The following DISP2 variants were observed in gnomAD, a reference collection of about 807,000 sequenced individuals.
DISP2 encodes the protein protein dispatched homolog 2.
In DISP2, 59 loss-of-function variants were observed where a neutral mutation model predicts 95.5. The ratio of observed to expected loss-of-function variants is 0.62; its 90% CI spans 0.50 to 0.77. The LOEUF is 0.77. DISP2 is among the 30% of genes least tolerant of loss of function. The pLI is 0.00. For missense variants in DISP2, 1,752 were observed against 1,854.6 expected, an observed-to-expected ratio of 0.94 and a Z score of 1.02; for synonymous variants, 827 against 815.0, an observed-to-expected ratio of 1.01 and a Z score of -0.25.
chr15:40,367,422 T>A lies in DISP2; in HGVS notation c.1310T>A (p.Leu437Gln). 6.2e-7 allele frequency: 1 copy of A among 1,613,584 alleles called. No individual in the cohort carries two copies. The highest frequency in any genetic ancestry group is 8.5e-7 in the Non-Finnish European group (1 of 1,179,946). ...CAGGTGCCTTCCCTCAAGTACAGCC[T>A]GCTCTTCCTGCCCACCCCAAAGGGT... ...DYQVPSLKYSLLFLPTPKGAS... is the reference protein window; with the variant it reads ...DYQVPSLKYSQLFLPTPKGAS... The change falls in exon 8 of 8, where the codon CTG (leucine) becomes CAG (glutamine). Residue 437 changes from leucine (L) to glutamine (Q), a missense_variant. Transcript: ENST00000267889.
chr15:40,358,264 C>CCAA lies in DISP2; in HGVS notation c.-57_-56insAAC. The CCAA allele has an allele frequency of 8.4e-7, 1 of 1,186,346 alleles. No individual in the cohort carries two copies. The highest frequency in any genetic ancestry group is 1.0e-6 in the Non-Finnish European group (1 of 960,676). The allele number at this position is 1,186,346 out of a possible 1,614,324, so 73.5% of individuals were successfully genotyped here. On this transcript the variant is annotated 5_prime_UTR_variant, in exon 1 of 8. Coordinates refer to ENST00000267889, the MANE Select transcript of DISP2 (RefSeq NM_033510.3). Reference sequence around the variant, plus strand: ...GCCGCTGCCGCCGCCACCGCCGCCGCCGCCGCCGCCGCCGCGGCTTCAGCA... The same window carrying CCAA: ...GCCGCTGCCGCCGCCACCGCCGCCGCCAACGCCGCCGCCGCCGCGGCTTCAGCA...
rs969713303 is a variant in DISP2 at position 40,370,943 on chromosome 15, A to G, written c.*625A>G. 19 of 264,110 alleles carry G rather than the reference A, an allele frequency of 7.2e-5. No individual in the cohort carries two copies. The highest frequency in any genetic ancestry group is 1.5e-5 in the Non-Finnish European group (2 of 129,212). The allele number at this position is 264,110 out of a possible 1,614,324, so 16.4% of individuals were successfully genotyped here. ...ATGGCTGCTGGGTGTGCAGCAGGAG[A>G]AGGAGGATGGTCAGCCTTGGAGCAT... On this transcript the variant is annotated 3_prime_UTR_variant, in exon 8 of 8. Transcript: ENST00000267889.
chr15:40,364,949 A>C lies in DISP2; in HGVS notation c.715A>C (p.Asn239His). Residue 239 changes from asparagine (N) to histidine (H), a missense_variant, in exon 5 of 8, where the codon AAC (asparagine) becomes CAC (histidine). Coordinates refer to ENST00000267889, the MANE Select transcript of DISP2 (RefSeq NM_033510.3). ...LLFLSPDLEL[N>H]SSSSHNTLRP... ...TTTCCTTTCCCCAGACCTTGAGCTG[A>C]ACAGGTAACAGGCTCTCATCTTTTC... The C allele has an allele frequency of 6.2e-7, 1 of 1,614,006 alleles. No homozygotes were observed. Among genetic ancestry groups the C allele is most frequent in the South Asian group, 1.1e-5 (1 of 91,072 alleles).
At chr15:40,362,885 C>T (rs1287760279) in intron 1 of DISP2, among the ~76,000 whole-genome samples, 1 of 152,210 alleles carries the variant, frequency 6.6e-6, no homozygotes, top group Non-Finnish European at 1.5e-5. Context: ...ACGACTGCAG[C>T]AGAAAGAGCA....
At position 40,373,593 on chromosome 15, in the gene DISP2, AC is replaced by A. The variant is rs1319565263; in HGVS notation, c.*3278del. ...GTGGGGGATGCCTGTAGTCCTAGCT[AC>A]CCAGGAGGCTGAGGCAGGAAAATCA... On this transcript the variant is annotated 3_prime_UTR_variant, in exon 8 of 8. Transcript: ENST00000267889. 23 of 152,088 alleles carry A rather than the reference AC, an allele frequency of 1.5e-4. No individual in the cohort carries two copies. The highest frequency in any genetic ancestry group is 2.4e-4 in the Non-Finnish European group (16 of 68,054). The allele number at this position is 152,088 out of a possible 1,614,324, so 9.4% of individuals were successfully genotyped here.
At chr15:40,365,378 G>A in intron 6 of DISP2, 104 bp downstream of exon 6, 2 of 1,508,624 alleles carry the variant, frequency 1.3e-6, no homozygotes, top group Non-Finnish European at 1.8e-6. Context: ...AAGGGAAGGT[G>A]GCCAGCTGGC....
At chr15:40,364,166 C>T (rs1889455317) in intron 2 of DISP2, 60 bp from the exon 3 acceptor site, 1 of 1,612,064 alleles carries the variant, frequency 6.2e-7, no homozygotes, top group African/African-American at 1.3e-5. Context: ...CCTCCACCCC[C>T]AACACACGCC....
chr15:40,362,021 G>C (rs759505569), intron 1 of DISP2, among the ~76,000 whole-genome samples: 1 of 152,198 alleles, frequency 6.6e-6, no homozygotes, highest in Non-Finnish European at 1.5e-5. Flanking sequence ...CCTGCCACTG[G>C]GGTTGAGACT....
chr15:40,358,468 ATCACAGACCC>A, intron 1 of DISP2, 28 bp downstream of exon 1: 1 of 1,251,380 alleles, frequency 8.0e-7, no homozygotes, highest in South Asian at 3.0e-5. Context: ...GCAGATCCGT[ATCACAGACCC>A]TCCCAGACCC....
chr15:40,363,521 G>T, intron 1 of DISP2, 104 bp from the exon 2 acceptor site: 6 of 848,508 alleles, frequency 7.1e-6, no homozygotes, highest in Non-Finnish European at 1.1e-5. Context: ...TCAACCCTGA[G>T]TCCCTGTCCC....
chr15:40,363,984 G>A lies in DISP2; in HGVS notation c.449+30G>A, dbSNP rs529851949. 15 of 1,514,558 alleles carry A rather than the reference G, an allele frequency of 9.9e-6. No homozygotes were observed. In the East Asian group the frequency reaches 3.4e-4, roughly 34 times the overall value. The allele number at this position is 1,514,558 out of a possible 1,614,324, so 93.8% of individuals were successfully genotyped here. On this transcript the variant is annotated intron_variant, in intron 2 of 7. Coordinates refer to ENST00000267889, the MANE Select transcript of DISP2 (RefSeq NM_033510.3). The stretch of plus-strand genomic sequence containing the variant: ...GGAGGGGTCCAGCAGCCTGCCAGCT[G>A]CCACTGGAAAATGCGGTGGGGCTTA...
chr15:40,365,847 C>A, intron 7 of DISP2, 122 bp downstream of exon 7: 1 of 973,898 alleles, frequency 1.0e-6, no homozygotes, highest in Non-Finnish European at 1.6e-6. Context: ...GCATTCCCTG[C>A]TTAGAAAATT....
Position 40,367,351 on chromosome 15 carries a change from C to T in DISP2, c.1239C>T (p.His413=). 1 of 1,613,614 alleles carries T rather than the reference C, an allele frequency of 6.2e-7. No individual in the cohort carries two copies. The highest frequency in any genetic ancestry group is 8.5e-7 in the Non-Finnish European group (1 of 1,179,962). The change falls in exon 8 of 8, where the codon CAC becomes CAT. Residue 413 remains histidine, a synonymous_variant. Transcript: ENST00000267889. Reference sequence around the variant, plus strand: ...GTAGTGCCATCTACCAACTCCTGCACTTTCTGCTTGACAGGGACTTTCTGA... The same window carrying T: ...GTAGTGCCATCTACCAACTCCTGCATTTTCTGCTTGACAGGGACTTTCTGA... The part of the protein sequence containing the change: ...SQSSAIYQLL[H]FLLDRDFLSP...
chr15:40,358,504 TC>T, intron 1 of DISP2, 64 bp downstream of exon 1: 1 of 1,127,640 alleles, frequency 8.9e-7, no homozygotes, highest in Non-Finnish European at 1.1e-6. Context: ...GCCCCAGGTA[TC>T]CCCAGTAGCC....
In DISP2 at chr15:40,363,897, C is replaced by A; in HGVS notation, c.392C>A (p.Ser131Ter). 6.4e-7 allele frequency: 1 copy of A among 1,574,142 alleles called. No homozygotes were observed. The highest frequency in any genetic ancestry group is 8.6e-7 in the Non-Finnish European group (1 of 1,157,564). ...GSSLSPSPAPSQRDGTWKPPA... is the reference protein window; with the variant it reads ...GSSLSPSPAP ...AGCCTCAGCCCTTCTCCAGCCCCCT[C>A]ACAGCGCGATGGGACCTGGAAGCCA... The change falls in exon 2 of 8, where the codon TCA becomes TAA. Residue 131 changes from serine (S) to a stop codon, truncating the protein, a stop_gained. Coordinates refer to ENST00000267889, the MANE Select transcript of DISP2 (RefSeq NM_033510.3). LOFTEE classifies it high-confidence loss of function.
Position 40,369,989 on chromosome 15 carries a change from A to G in DISP2, c.3877A>G (p.Ser1293Gly). The change falls in exon 8 of 8, where the codon AGC becomes GGC. Residue 1293 changes from serine (S) to glycine (G), a missense_variant. Physicochemically the swap from Ser to Gly is moderately conservative, Grantham distance 56 (BLOSUM62 0). Around this residue, in one of 5 missense-constraint regions of DISP2, gnomAD observed 347 missense variants for 344.2 expected, o/e 1.01. Transcript: ENST00000267889. ...CTCAGCCAGCACCCTGGAGGGGCTC[A>G]GCGTCTCTGATGAGACCTGCCTAAG... is the stretch of plus-strand genomic sequence containing the variant. ...CSSASTLEGLSVSDETCLSTS... is the reference protein window; with the variant it reads ...CSSASTLEGLGVSDETCLSTS... The G allele has an allele frequency of 6.2e-7, 1 of 1,613,792 alleles. No individual in the cohort carries two copies. Among genetic ancestry groups the G allele is most frequent in the Non-Finnish European group, 8.5e-7 (1 of 1,179,938 alleles).
At position 40,364,893 on chromosome 15, in the gene DISP2, T is replaced by C. The variant is rs200905796; in HGVS notation, c.659T>C (p.Leu220Pro). The C allele has an allele frequency of 6.2e-7, 1 of 1,614,156 alleles. No homozygotes were observed. Among genetic ancestry groups the C allele is most frequent in the East Asian group, 2.2e-5 (1 of 44,886 alleles). ...AGCAAGTTAGTGGTCTGGAGAGCACTACAAGCCCTCACAGGCCCCAGGAAG... is the reference window on the plus strand; with the variant it reads ...AGCAAGTTAGTGGTCTGGAGAGCACCACAAGCCCTCACAGGCCCCAGGAAG... The part of the protein sequence containing the change: ...IGSKLVVWRA[L>P]QALTGPRKLL... Residue 220 changes from leucine to proline, a missense_variant, in exon 5 of 8, where the codon CTA (leucine) becomes CCA (proline). Leu to Pro is a moderately conservative substitution (Grantham distance 98). Coordinates refer to ENST00000267889, the MANE Select transcript of DISP2 (RefSeq NM_033510.3).
Position 40,358,370 on chromosome 15 carries a change from G to C in DISP2, c.49G>C (p.Gly17Arg). Reference sequence around the variant, plus strand: ...CAGCGGCGGCAGCGGTCCGGCTCCCGGCCCGGGTCCGGAAGGGGAGCAACG... The same window carrying C: ...CAGCGGCGGCAGCGGTCCGGCTCCCCGCCCGGGTCCGGAAGGGGAGCAACG... ...SSSGGSGPAP[G>R]PGPEGEQRPE... The change falls in exon 1 of 8, where the codon GGC (glycine) becomes CGC (arginine). Residue 17 changes from glycine to arginine, a missense_variant. Gly to Arg is a moderately radical substitution (Grantham distance 125). Transcript: ENST00000267889. 1 of 1,374,630 alleles carries C rather than the reference G, an allele frequency of 7.3e-7. No homozygotes were observed. The allele number at this position is 1,374,630 out of a possible 1,614,324, so 85.2% of individuals were successfully genotyped here. A position where few individuals can be genotyped will look rare whatever the true frequency, so the allele number is the denominator to read the frequency against.
At position 40,369,704 on chromosome 15, in the gene DISP2, C is replaced by T. The variant is rs904466107; in HGVS notation, c.3592C>T (p.Leu1198Phe). Reference sequence around the variant, plus strand: ...CTCAGTACTCTCTGAGGATCTGCAGCTCCATGATGGTCCGTGCTGTTCCCG... The same window carrying T: ...CTCAGTACTCTCTGAGGATCTGCAGTTCCATGATGGTCCGTGCTGTTCCCG... ...RPSVLSEDLQ[L>F]HDGPCCSRPP... Residue 1198 changes from leucine to phenylalanine, a missense_variant, in exon 8 of 8, where the codon CTC (leucine) becomes TTC (phenylalanine). Leu to Phe is a conservative substitution (Grantham distance 22, BLOSUM62 0). This residue lies in a region of DISP2 where 347 missense variants were observed against 344.2 expected (regional missense o/e 1.01). Coordinates refer to ENST00000267889, the MANE Select transcript of DISP2 (RefSeq NM_033510.3). 2 of 1,611,650 alleles carry T rather than the reference C, an allele frequency of 1.2e-6. No individual in the cohort carries two copies. Among genetic ancestry groups the T allele is most frequent in the African/African-American group, 2.7e-5 (2 of 74,932 alleles).
Sources: allele counts gnomAD v4.1 joint callset (sites outside exome capture counted in the v4.1 genomes callset), GRCh38; gene constraint gnomAD v4.1.1; regional missense constraint gnomAD v4.1.1; transcripts MANE v1.5; gene names NCBI Gene and HGNC (gene_info 2026-07-23, HGNC 2026-07-21).